The following GRID2 variants were observed in gnomAD, a reference collection of about 807,000 sequenced individuals.
GRID2 encodes the protein glutamate receptor ionotropic, delta-2.
A neutral mutation model predicts 114.8 loss-of-function variants in GRID2; 33 were observed. The observed-to-expected ratio is 0.29, with a 90% CI of 0.22 to 0.38. The LOEUF (loss-of-function observed/expected upper bound fraction) is 0.38, where lower values mean the gene tolerates loss of function less well. Among genes scored for constraint, GRID2 ranks in the 10% least tolerant of loss-of-function variants. The pLI is 1.00. For synonymous variants in GRID2, 505 were observed against 449.9 expected (o/e 1.12, Z -1.55); for missense variants, 1,184 against 1,257.7 (o/e 0.94, Z 0.89).
chr4:92,858,022 G>A (rs965231063), intron 2 of GRID2, among the ~76,000 whole-genome samples: 12 of 152,126 alleles, frequency 7.9e-5, no homozygotes, highest in African/African-American at 2.9e-4. Context: ...TTATAGCATG[G>A]TTTACTGAGT....
At chr4:93,337,611 C>A (rs193032401) in intron 8 of GRID2, among the ~76,000 whole-genome samples, 1 of 152,276 alleles carries the variant, frequency 6.6e-6, no homozygotes, top group East Asian at 1.9e-4. Flanking sequence ...GGCATTATCT[C>A]TATCTTCCAA....
At chr4:93,267,757 G>C (rs1031300407) in intron 8 of GRID2, among the ~76,000 whole-genome samples, 3 of 152,196 alleles carry the variant, frequency 2.0e-5, no homozygotes, top group Non-Finnish European at 2.9e-5. Flanking sequence ...GGCTTTGGGA[G>C]TTCCTCCCTA....
At chr4:93,592,155 T>A (rs966369607) in intron 13 of GRID2, among the ~76,000 whole-genome samples, 2 of 152,200 alleles carry the variant, frequency 1.3e-5, no homozygotes, top group Admixed American at 6.5e-5. Context: ...TGTTAGGGTG[T>A]CAATTTTAGA....
intron 14 of GRID2, among the ~76,000 whole-genome samples, chr4:93,697,652 A>G (rs948874594): frequency 1.3e-5 from 2 of 151,996 alleles, no homozygotes; most frequent in African/African-American, 4.8e-5. Flanking sequence ...GGAGGGGGAA[A>G]GATGTTGGTC....
At chr4:92,924,035 G>A (rs189641516) in intron 2 of GRID2, among the ~76,000 whole-genome samples, 1,581 of 152,260 alleles carry the variant, frequency 0.01, 12 homozygotes, top group Middle Eastern at 0.02. Context: ...TTAAGAAAAT[G>A]TGGCACATAT....
chr4:93,419,074 C>CTTTT (rs58832079), intron 9 of GRID2, among the ~76,000 whole-genome samples: 1,308 of 109,286 alleles, frequency 0.012, 10 homozygotes, highest in South Asian at 0.034. Flanking sequence ...CATGATTTTC[C>CTTTT]TTTTTTTTTT....
At chr4:92,436,823 A>T (rs939204031) in intron 1 of GRID2, among the ~76,000 whole-genome samples, 1 of 152,178 alleles carries the variant, frequency 6.6e-6, no homozygotes, top group African/African-American at 2.4e-5. Flanking sequence ...TTAAGGAATG[A>T]TTTATTTATG....
At chr4:92,601,249 G>A (rs571233093) in intron 2 of GRID2, among the ~76,000 whole-genome samples, 98 of 152,220 alleles carry the variant, frequency 6.4e-4, no homozygotes, top group African/African-American at 2.2e-3. Flanking sequence ...GCAGAGCATG[G>A]CACTTACATT....
At chr4:92,506,748 G>A (rs1166441134) in intron 1 of GRID2, among the ~76,000 whole-genome samples, 4 of 151,830 alleles carry the variant, frequency 2.6e-5, no homozygotes, top group African/African-American at 9.7e-5. Flanking sequence ...AGAGCATTCA[G>A]GTATTCCCAA....
intron 5 of GRID2, among the ~76,000 whole-genome samples, chr4:93,215,703 C>G (rs1329515228): frequency 1.3e-5 from 2 of 151,968 alleles, no homozygotes; most frequent in Non-Finnish European, 2.9e-5. Context: ...ATTTTTGAAT[C>G]TAACATATGC....
intron 2 of GRID2, among the ~76,000 whole-genome samples, chr4:93,052,648 T>C (rs574862001): frequency 6.6e-5 from 10 of 151,894 alleles, no homozygotes; most frequent in Non-Finnish European, 1.3e-4. Context: ...ATCAGAAATG[T>C]CACTGGTTGA....
intron 2 of GRID2, among the ~76,000 whole-genome samples, chr4:92,715,501 T>TA (rs1368816026): frequency 6.6e-6 from 1 of 152,078 alleles, no homozygotes; most frequent in Non-Finnish European, 1.5e-5. Context: ...TTATTCCTTT[T>TA]TACACTGCTG....
intron 2 of GRID2, among the ~76,000 whole-genome samples, chr4:92,870,792 A>G (rs948995434): frequency 6.6e-6 from 1 of 152,146 alleles, no homozygotes; most frequent in Non-Finnish European, 1.5e-5. Flanking sequence ...TAGATTTTAC[A>G]GTTTAAAATT....
rs866599054 is a variant in GRID2 at position 93,613,658 on chromosome 4, A to C, written c.2194-12611A>C. ...GGGTCAGGGACCCACTTGAGGAGGC[A>C]GTCTGCCCGTTCTCAGATCTCCAGC... On this transcript the variant is annotated intron_variant, in intron 13 of 15. Transcript: ENST00000282020. 7.5e-3 allele frequency among the ~76,000 whole-genome samples: 1,009 copies of C among 134,788 alleles called. 12 individuals are homozygous for C. The highest frequency in any genetic ancestry group is 0.025 in the African/African-American group (936 of 37,120). 88.4% of individuals were successfully genotyped at this position (134,788 alleles called of 152,430 possible).
intron 4 of GRID2, among the ~76,000 whole-genome samples, chr4:93,201,718 G>C (rs549090746): frequency 1.3e-5 from 2 of 152,172 alleles, no homozygotes; most frequent in African/African-American, 4.8e-5. Context: ...TTTATTACTA[G>C]TGAGAAACAA....
At chr4:93,397,522 G>A (rs995325906) in intron 9 of GRID2, among the ~76,000 whole-genome samples, 25 of 152,036 alleles carry the variant, frequency 1.6e-4, no homozygotes, top group African/African-American at 5.8e-4. Flanking sequence ...TCAGTTTTAA[G>A]CAAATAGTTA....
At chr4:93,517,380 G>A (rs1014393200) in intron 13 of GRID2, among the ~76,000 whole-genome samples, 33 of 152,090 alleles carry the variant, frequency 2.2e-4, no homozygotes, top group African/African-American at 6.5e-4. Context: ...TAATGAGTTC[G>A]AAACTGCAAA....
At chr4:92,879,798 G>A (rs1028384494) in intron 2 of GRID2, among the ~76,000 whole-genome samples, 1 of 152,192 alleles carries the variant, frequency 6.6e-6, no homozygotes, top group African/African-American at 2.4e-5. Context: ...ATGTTTCTAT[G>A]TTAATTTGTT....
At chr4:93,177,257 A>G (rs960002249) in intron 4 of GRID2, among the ~76,000 whole-genome samples, 3 of 152,152 alleles carry the variant, frequency 2.0e-5, no homozygotes, top group African/African-American at 7.2e-5. Flanking sequence ...CATTTTTAAA[A>G]AATATATAGA....
Sources: allele counts gnomAD v4.1 joint callset (sites outside exome capture counted in the v4.1 genomes callset), GRCh38; gene constraint gnomAD v4.1.1; transcripts MANE v1.5; gene names NCBI Gene and HGNC (gene_info 2026-07-23, HGNC 2026-07-21).